MAPKAP1: variants seen among roughly 807,000 people sequenced by gnomAD.
MAPKAP1 encodes the protein target of rapamycin complex 2 subunit MAPKAP1.
MAPKAP1 carries 20 observed loss-of-function variants against 65.7 expected under a neutral mutation model. The observed-to-expected ratio is 0.30, with a 90% CI of 0.21 to 0.44. The LOEUF is 0.44. Among genes scored for constraint, MAPKAP1 ranks in the 20% least tolerant of loss-of-function variants. MAPKAP1 has a pLI of 1.00. For missense variants in MAPKAP1, 423 were observed against 648.0 expected (o/e 0.65, Z 3.77); for synonymous variants, 222 against 244.3 (o/e 0.91, Z 0.85).
At chr9:125,503,560 T>G (rs1342213166) in intron 8 of MAPKAP1, among the ~76,000 whole-genome samples, 1 of 152,194 alleles carries the variant, frequency 6.6e-6, no homozygotes, top group African/African-American at 2.4e-5. Flanking sequence ...CTGCCTTTAC[T>G]AGAAAGGTAA....
rs144583089 is a variant in MAPKAP1, at chr9:125,532,542, C to T, written c.958+10517G>A. Among the ~76,000 whole-genome samples the T allele has an allele frequency of 1.4e-4, 22 of 152,352 alleles. No homozygotes were observed. In the East Asian group the frequency reaches 2.9e-3, roughly 20 times the overall value. On this transcript the variant is annotated intron_variant, in intron 7 of 11. Transcript: ENST00000265960. ...TCAGCTAATTAAACATCTGTCTCAA[C>T]GGCCTCCTCAGCAAATTAGTCATCC...
chr9:125,573,444 A>C (rs891171651), intron 5 of MAPKAP1, among the ~76,000 whole-genome samples: 2 of 152,212 alleles, frequency 1.3e-5, no homozygotes, highest in Non-Finnish European at 2.9e-5. Flanking sequence ...GGGAGGCATT[A>C]ATAATCCACC....
At chr9:125,637,710 A>T (rs1254939541) in intron 4 of MAPKAP1, among the ~76,000 whole-genome samples, 1 of 152,224 alleles carries the variant, frequency 6.6e-6, no homozygotes. Context: ...GCCTATTACA[A>T]GGATTAAATG....
At chr9:125,625,392 A>G (rs959977033) in intron 4 of MAPKAP1, among the ~76,000 whole-genome samples, 31 of 152,038 alleles carry the variant, frequency 2.0e-4, no homozygotes, top group Admixed American at 1.1e-3. Flanking sequence ...ATGAAACTAC[A>G]CAATTATTGA....
chr9:125,582,806 A>T (rs963291404), intron 5 of MAPKAP1, among the ~76,000 whole-genome samples: 4 of 152,104 alleles, frequency 2.6e-5, no homozygotes, highest in Non-Finnish European at 1.5e-5. Context: ...CTCATGTAGT[A>T]TTTCCCACTC....
intron 10 of MAPKAP1, among the ~76,000 whole-genome samples, chr9:125,460,943 G>A (rs1853471252): frequency 2.0e-5 from 3 of 152,200 alleles, no homozygotes; most frequent in African/African-American, 4.8e-5. Context: ...GAGGAAGCAG[G>A]GAGTGTAAAT....
At chr9:125,627,678 C>T (rs1833154468) in intron 4 of MAPKAP1, among the ~76,000 whole-genome samples, 1 of 152,190 alleles carries the variant, frequency 6.6e-6, no homozygotes, top group Middle Eastern at 3.4e-3. Flanking sequence ...GCCACTGTGC[C>T]CAGCTTTTCA....
At chr9:125,689,803 C>A (rs1221930929) in intron 1 of MAPKAP1, among the ~76,000 whole-genome samples, 1 of 150,656 alleles carries the variant, frequency 6.6e-6, no homozygotes, top group Non-Finnish European at 1.5e-5. Flanking sequence ...CAATGTACTA[C>A]GGGCCAGGCG....
intron 11 of MAPKAP1, among the ~76,000 whole-genome samples, chr9:125,440,344 G>A (rs1445985992): frequency 4.6e-5 from 7 of 152,220 alleles, no homozygotes; most frequent in African/African-American, 1.2e-4. Flanking sequence ...GGTGTCAGGC[G>A]CTTGGCAAAC....
chr9:125,590,245 G>GCA (rs2131588339), intron 4 of MAPKAP1, among the ~76,000 whole-genome samples: 1 of 152,306 alleles, frequency 6.6e-6, no homozygotes, highest in Admixed American at 6.5e-5. Context: ...GCCAGAAAGG[G>GCA]CGTCTGTGTT....
At chr9:125,613,265 C>A (rs1192744624) in intron 4 of MAPKAP1, among the ~76,000 whole-genome samples, 1 of 152,212 alleles carries the variant, frequency 6.6e-6, no homozygotes, top group African/African-American at 2.4e-5. Context: ...CAAGGGTGGA[C>A]TGTACCACCC....
chr9:125,599,251 C>A (rs898667286), intron 4 of MAPKAP1, among the ~76,000 whole-genome samples: 5 of 152,148 alleles, frequency 3.3e-5, no homozygotes, highest in African/African-American at 1.2e-4. Context: ...GATTGTCTTA[C>A]AACCTCTCTT....
intron 4 of MAPKAP1, among the ~76,000 whole-genome samples, chr9:125,599,432 T>A (rs1351780123): frequency 6.6e-6 from 1 of 152,166 alleles, no homozygotes. Context: ...TGAACAAATC[T>A]ACCTCTACCT....
At chr9:125,565,872 C>T (rs2131523227) in intron 5 of MAPKAP1, 1 of 213,644 alleles carries the variant, frequency 4.7e-6, no homozygotes, top group East Asian at 1.5e-4. Flanking sequence ...GTGTATCTAC[C>T]AACCCATTAA....
intron 1 of MAPKAP1, among the ~76,000 whole-genome samples, chr9:125,685,816 T>C (rs1034904971): frequency 2.6e-5 from 4 of 152,174 alleles, no homozygotes; most frequent in Non-Finnish European, 5.9e-5. Context: ...AACAGGTGCA[T>C]CTTTCTTGTT....
intron 4 of MAPKAP1, among the ~76,000 whole-genome samples, chr9:125,632,891 TATGCAAAAATTG>T (rs1833327780): frequency 1.3e-5 from 2 of 152,360 alleles, no homozygotes; most frequent in South Asian, 4.1e-4. Flanking sequence ...GCAAGAATAC[TATGCAAAAATTG>T]ATGCTTTACT....
chr9:125,607,898 C>A (rs1343754997), intron 4 of MAPKAP1, among the ~76,000 whole-genome samples: 2 of 152,226 alleles, frequency 1.3e-5, no homozygotes, highest in African/African-American at 4.8e-5. Flanking sequence ...TTGTGATCTG[C>A]CTGCCTTGGC....
intron 1 of MAPKAP1, among the ~76,000 whole-genome samples, chr9:125,702,316 C>T (rs1015075962): frequency 1.3e-5 from 2 of 152,102 alleles, no homozygotes; most frequent in African/African-American, 2.4e-5. Flanking sequence ...AGGTGGATCA[C>T]CTGAGGTCGG....
chr9:125,643,006 TCTC>T (rs957248660), intron 4 of MAPKAP1, among the ~76,000 whole-genome samples: 1 of 151,672 alleles, frequency 6.6e-6, no homozygotes, highest in Non-Finnish European at 1.5e-5. Context: ...TTCAAGCGAT[TCTC>T]CTGCCTCAGC....
Sources: gnomAD v4.1 joint callset for allele counts (sites outside exome capture counted in the v4.1 genomes callset) on GRCh38, gnomAD v4.1.1 for gene constraint, MANE v1.5 for transcripts, NCBI Gene and HGNC (gene_info 2026-07-23, HGNC 2026-07-21) for gene names.